IGSF11: variants seen among roughly 807,000 people sequenced by gnomAD.
The protein encoded by IGSF11 is immunoglobulin superfamily member 11.
A neutral mutation model predicts 41.0 loss-of-function variants in IGSF11; 22 were observed. That is an observed-to-expected ratio of 0.54 (90% CI 0.38 to 0.77). The LOEUF (loss-of-function observed/expected upper bound fraction) is 0.77, where lower values mean the gene tolerates loss of function less well. Among genes scored for constraint, IGSF11 ranks in the 30% least tolerant of loss-of-function variants. The pLI is 0.00. For synonymous variants in IGSF11, 219 were observed against 201.3 expected (o/e 1.09, Z -0.74); for missense variants, 444 against 530.8 (o/e 0.84, Z 1.61).
chr3:119,078,281 C>T (rs2076533905), intron 1 of IGSF11, among the ~76,000 whole-genome samples: 1 of 152,182 alleles, frequency 6.6e-6, no homozygotes, highest in Non-Finnish European at 1.5e-5. Context: ...TACAAGGATA[C>T]ATTAACCAAA....
chr3:119,094,185 T>C (rs1290127496), intron 1 of IGSF11, among the ~76,000 whole-genome samples: 2 of 88,288 alleles, frequency 2.3e-5, no homozygotes, highest in African/African-American at 7.8e-5. Flanking sequence ...TTTTTTCAAG[T>C]CCCCACATAA....
At chr3:119,112,058 A>T (rs904279047) in intron 1 of IGSF11, among the ~76,000 whole-genome samples, 9 of 152,182 alleles carry the variant, frequency 5.9e-5, no homozygotes, top group African/African-American at 1.9e-4. Flanking sequence ...GACCCACTTG[A>T]GGAGGCAGTC....
chr3:119,101,002 A>C (rs1174352341), intron 1 of IGSF11, among the ~76,000 whole-genome samples: 2 of 152,180 alleles, frequency 1.3e-5, no homozygotes, highest in Admixed American at 6.5e-5. Context: ...CAGTTACCCA[A>C]ACTAGAAGAA....
intron 6 of IGSF11, among the ~76,000 whole-genome samples, chr3:118,903,815 G>A (rs745320583): frequency 2.5e-4 from 38 of 152,262 alleles, no homozygotes; most frequent in Non-Finnish European, 3.7e-4. Context: ...GAAAGGTTAG[G>A]CAAGGGGCTA....
intron 4 of IGSF11, among the ~76,000 whole-genome samples, chr3:118,921,083 C>T (rs140447630): frequency 6.6e-6 from 1 of 152,218 alleles, no homozygotes; most frequent in East Asian, 1.9e-4. Flanking sequence ...TGAGGCTTAC[C>T]CTAAGCACCT....
intron 1 of IGSF11, among the ~76,000 whole-genome samples, chr3:119,128,753 T>C (rs1227667173): frequency 2.0e-5 from 3 of 152,174 alleles, no homozygotes; most frequent in Non-Finnish European, 4.4e-5. Flanking sequence ...GAAGAGAGTA[T>C]GGCAATTCCT....
chr3:118,988,957 G>A (rs572762470), intron 1 of IGSF11, among the ~76,000 whole-genome samples: 20 of 152,304 alleles, frequency 1.3e-4, no homozygotes, highest in African/African-American at 4.8e-4. Flanking sequence ...ACATCATGAA[G>A]TTCTAAGTCC....
At chr3:119,135,197 C>A (rs1246144707) in intron 1 of IGSF11, among the ~76,000 whole-genome samples, 3 of 152,090 alleles carry the variant, frequency 2.0e-5, no homozygotes, top group Non-Finnish European at 4.4e-5. Context: ...GCAACAAAAG[C>A]CAAAATTGAC....
At chr3:118,920,851 C>T (rs1379291503) in intron 4 of IGSF11, among the ~76,000 whole-genome samples, 2 of 152,110 alleles carry the variant, frequency 1.3e-5, no homozygotes, top group Non-Finnish European at 2.9e-5. Context: ...CTATGCAATG[C>T]ATGTACAAAT....
rs943451359 is a variant in IGSF11, at chr3:119,011,549, A to G, written c.52+22982T>C. 2.6e-5 allele frequency among the ~76,000 whole-genome samples: 4 copies of G among 152,172 alleles called. No homozygotes were observed. The South Asian group carries it at 8.3e-4, about 32-fold the overall frequency. On this transcript the variant is annotated intron_variant, in intron 1 of 6. Coordinates refer to ENST00000393775, the MANE Select transcript of IGSF11 (RefSeq NM_001015887.3). Reference sequence around the variant, plus strand: ...TTCTGTCAGAAGAAACCAGGGCCCAAGGCAACATAGGCTACCAGAGAGAGA... The same window carrying G: ...TTCTGTCAGAAGAAACCAGGGCCCAGGGCAACATAGGCTACCAGAGAGAGA...
At chr3:119,010,996 T>C (rs532888365) in intron 1 of IGSF11, among the ~76,000 whole-genome samples, 1 of 152,306 alleles carries the variant, frequency 6.6e-6, no homozygotes, top group African/African-American at 2.4e-5. Context: ...GTTACTGAGA[T>C]AAAAAGCACT....
chr3:119,072,714 T>C (rs963942825), intron 1 of IGSF11, among the ~76,000 whole-genome samples: 2 of 152,068 alleles, frequency 1.3e-5, no homozygotes, highest in African/African-American at 4.8e-5. Context: ...ACCTTTGCGG[T>C]GAGTGTTACA....
At chr3:119,005,862 G>T (rs1316477056) in intron 1 of IGSF11, among the ~76,000 whole-genome samples, 1 of 126,682 alleles carries the variant, frequency 7.9e-6, no homozygotes, top group Non-Finnish European at 1.6e-5. Context: ...TCCCTTTGAG[G>T]GTAACCCGAC....
At chr3:118,924,426 C>T (rs1295402402) in intron 4 of IGSF11, among the ~76,000 whole-genome samples, 1 of 152,050 alleles carries the variant, frequency 6.6e-6, no homozygotes, top group East Asian at 1.9e-4. Flanking sequence ...ATTTTGAGAT[C>T]AACTTTATTA....
At chr3:118,976,127 G>A (rs1934072668) in intron 1 of IGSF11, among the ~76,000 whole-genome samples, 1 of 152,028 alleles carries the variant, frequency 6.6e-6, no homozygotes, top group Admixed American at 6.6e-5. Context: ...AGCCCTAAAG[G>A]CAGTTTAAGC....
At chr3:119,140,856 T>G (rs1021013763) in intron 1 of IGSF11, among the ~76,000 whole-genome samples, 25 of 131,948 alleles carry the variant, frequency 1.9e-4, no homozygotes, top group African/African-American at 6.2e-4. Context: ...CCAGTCTGGC[T>G]AACATGGCGA....
At chr3:119,065,430 T>G (rs1236620196) in intron 1 of IGSF11, among the ~76,000 whole-genome samples, 1 of 152,090 alleles carries the variant, frequency 6.6e-6, no homozygotes, top group Non-Finnish European at 1.5e-5. Flanking sequence ...GACACAGTGG[T>G]CTGTAATTTT....
chr3:119,045,672 G>C (rs1576722424), intron 1 of IGSF11, among the ~76,000 whole-genome samples: 1 of 152,078 alleles, frequency 6.6e-6, no homozygotes, highest in South Asian at 2.1e-4. Context: ...TGCCTCTGTA[G>C]GCTCCACCTC....
intron 1 of IGSF11, among the ~76,000 whole-genome samples, chr3:119,009,274 C>CA (rs71975854): frequency 1.3e-5 from 2 of 151,386 alleles, no homozygotes; most frequent in East Asian, 1.9e-4. Flanking sequence ...TCCATGTTAC[C>CA]AAAAAAAAGA....
Sources: allele counts gnomAD v4.1 joint callset (sites outside exome capture counted in the v4.1 genomes callset), GRCh38; gene constraint gnomAD v4.1.1; transcripts MANE v1.5; gene names NCBI Gene and HGNC (gene_info 2026-07-23, HGNC 2026-07-21).